The following SEL1L2 variants were observed in gnomAD, a reference collection of about 807,000 sequenced individuals.
SEL1L2 encodes protein sel-1 homolog 2.
Under a neutral mutation model 98.8 loss-of-function variants are expected in SEL1L2, and 89 were observed. The ratio of observed to expected loss-of-function variants is 0.90; its 90% CI spans 0.76 to 1.07. The LOEUF (loss-of-function observed/expected upper bound fraction) is 1.07, where lower values mean the gene tolerates loss of function less well. Among genes scored for constraint, SEL1L2 ranks in the 50% least tolerant of loss-of-function variants. The probability of loss-of-function intolerance (pLI) is 0.00; values close to 1 mark genes in which losing one functional copy is unlikely to be tolerated. For synonymous variants in SEL1L2, 262 were observed against 278.5 expected (o/e 0.94, Z 0.59); for missense variants, 788 against 812.0 (o/e 0.97, Z 0.36).
chr20:13,976,644 A>T (rs2051553318), intron 1 of SEL1L2, among the ~76,000 whole-genome samples: 1 of 152,222 alleles, frequency 6.6e-6, no homozygotes, highest in Non-Finnish European at 1.5e-5. Flanking sequence ...TATAAAGTGG[A>T]TGTCTCAGCA....
chr20:13,915,261 G>T (rs1024870785), intron 4 of SEL1L2: 2 of 1,287,034 alleles, frequency 1.6e-6, no homozygotes, highest in Non-Finnish European at 2.0e-6. Flanking sequence ...AAAACACAGG[G>T]TGAGTACTCC....
intron 5 of SEL1L2, among the ~76,000 whole-genome samples, chr20:13,895,656 A>G (rs1409487936): frequency 1.3e-5 from 2 of 152,248 alleles, no homozygotes; most frequent in African/African-American, 4.8e-5. Context: ...CCCAATGGTA[A>G]AAAACTGAAT....
In SEL1L2 at chr20:13,885,411, T is replaced by TGATG. The variant is rs1421123569; in HGVS notation, c.901-12_901-9dup. 2 of 1,582,250 alleles carry TGATG rather than the reference T, an allele frequency of 1.3e-6. No individual in the cohort carries two copies. Among genetic ancestry groups the TGATG allele is most frequent in the Non-Finnish European group, 1.7e-6 (2 of 1,151,082 alleles). ...TAATTGTCCAAGAGAGACCTAGGAA[T>TGATG]GATGAGTTTGGAAATGATTTTAGCA... is the stretch of plus-strand genomic sequence containing the variant. On this transcript the variant is annotated splice_polypyrimidine_tract_variant and intron_variant, in intron 9 of 19. Transcript: ENST00000284951.
At chr20:13,931,997 C>A (rs139693756) in intron 2 of SEL1L2, among the ~76,000 whole-genome samples, 1 of 152,092 alleles carries the variant, frequency 6.6e-6, no homozygotes, top group African/African-American at 2.4e-5. Flanking sequence ...GTCATCTGAA[C>A]TACAGAGCCA....
At chr20:13,877,720 T>A in intron 10 of SEL1L2, 132 bp from the exon 11 acceptor site, 2 of 675,016 alleles carry the variant, frequency 3.0e-6, no homozygotes, top group East Asian at 5.5e-5. Flanking sequence ...AAAAAAAATC[T>A]GTGAAATGCC....
At chr20:13,936,565 G>A (rs1380655236) in intron 2 of SEL1L2, among the ~76,000 whole-genome samples, 2 of 152,156 alleles carry the variant, frequency 1.3e-5, no homozygotes, top group African/African-American at 4.8e-5. Flanking sequence ...ATTGGATTCA[G>A]TGCATAAAGA....
At chr20:13,923,986 A>T (rs1296887620) in intron 3 of SEL1L2, among the ~76,000 whole-genome samples, 1 of 152,104 alleles carries the variant, frequency 6.6e-6, no homozygotes, top group African/African-American at 2.4e-5. Context: ...ATATTTTGAG[A>T]TTATGTTGAT....
chr20:13,865,244 A>G lies in SEL1L2; in HGVS notation c.1571-3T>C, dbSNP rs777181823. On this transcript the variant is annotated splice_polypyrimidine_tract_variant and splice_region_variant and intron_variant, in intron 16 of 19. Transcript: ENST00000284951. ...TTTTTCAAGAATGTTAGCCTTTTCT[A>G]AAAAGAGGAGACATTCCATTAGGAA... 1.9e-6 allele frequency: 3 copies of G among 1,613,270 alleles called. No homozygotes were observed. The highest frequency in any genetic ancestry group is 2.2e-5 in the South Asian group (2 of 91,032).
intron 3 of SEL1L2, among the ~76,000 whole-genome samples, chr20:13,919,407 G>A (rs539914581): frequency 6.6e-6 from 1 of 152,298 alleles, no homozygotes; most frequent in South Asian, 2.1e-4. Flanking sequence ...GATGCTTTTG[G>A]TCTAGGGAAG....
intron 1 of SEL1L2, among the ~76,000 whole-genome samples, chr20:13,959,889 A>C (rs566821841): frequency 6.6e-6 from 1 of 152,362 alleles, no homozygotes; most frequent in Non-Finnish European, 1.5e-5. Context: ...CTAATGCATT[A>C]GTAGTTTAAA....
chr20:13,889,659 C>T (rs1028333242), intron 5 of SEL1L2, among the ~76,000 whole-genome samples: 8 of 151,918 alleles, frequency 5.3e-5, no homozygotes, highest in African/African-American at 9.7e-5. Flanking sequence ...GGCGTGGTAG[C>T]GGGGGCCTGT....
intron 14 of SEL1L2, among the ~76,000 whole-genome samples, chr20:13,868,281 T>C (rs769808205): frequency 4.6e-5 from 7 of 152,064 alleles, no homozygotes; most frequent in Non-Finnish European, 1.0e-4. Flanking sequence ...TGTCTATCTA[T>C]CACGGTTAAA....
At chr20:13,956,233 A>G in intron 1 of SEL1L2, 102 bp from the exon 2 acceptor site, 1 of 611,658 alleles carries the variant, frequency 1.6e-6, no homozygotes, top group South Asian at 2.1e-5. Context: ...AAACTTTTAG[A>G]ACTCTAAGAA....
intron 17 of SEL1L2, among the ~76,000 whole-genome samples, chr20:13,860,669 T>C (rs1159912471): frequency 1.3e-5 from 2 of 152,044 alleles, no homozygotes; most frequent in African/African-American, 2.4e-5. Context: ...CTCTTTTCTC[T>C]TCTCTCACCT....
At chr20:13,888,881 C>T (rs1179323888) in intron 5 of SEL1L2, among the ~76,000 whole-genome samples, 2 of 149,824 alleles carry the variant, frequency 1.3e-5, no homozygotes, top group East Asian at 2.0e-4. Context: ...CTCCTGACCT[C>T]GTGATCTACC....
chr20:13,972,390 T>C (rs992878332), intron 1 of SEL1L2, among the ~76,000 whole-genome samples: 1 of 152,210 alleles, frequency 6.6e-6, no homozygotes, highest in African/African-American at 2.4e-5. Flanking sequence ...CATCTGTTGC[T>C]ACTGTGAAAA....
intron 5 of SEL1L2, among the ~76,000 whole-genome samples, chr20:13,889,277 C>T (rs761609432): frequency 3.3e-5 from 5 of 152,028 alleles, no homozygotes; most frequent in Admixed American, 6.6e-5. Context: ...TGAGCCACCA[C>T]GCCTGGCCAT....
intron 1 of SEL1L2, among the ~76,000 whole-genome samples, chr20:13,986,319 T>G (rs1296584602): frequency 6.6e-6 from 1 of 152,232 alleles, no homozygotes. Flanking sequence ...ATTCCCAGTG[T>G]TGTACAGCCA....
In SEL1L2 at chr20:13,920,852, T is replaced by G. The variant is rs189884091; in HGVS notation, c.284-1729A>C. ...AAAAATTTAAAAACTAAAAAAATTC[T>G]TAACTGAAAAGCCTATTTAAAATTA... On this transcript the variant is annotated intron_variant, in intron 3 of 19. Coordinates refer to ENST00000284951, the MANE Select transcript of SEL1L2 (RefSeq NM_025229.2). Among the ~76,000 whole-genome samples, 332 of 152,278 alleles carry G rather than the reference T, an allele frequency of 2.2e-3. 2 individuals carry two copies. The highest frequency in any genetic ancestry group is 7.8e-3 in the African/African-American group (323 of 41,578).
Sources: gnomAD v4.1 joint callset for allele counts (sites outside exome capture counted in the v4.1 genomes callset) on GRCh38, gnomAD v4.1.1 for gene constraint, MANE v1.5 for transcripts, NCBI Gene and HGNC (gene_info 2026-07-23, HGNC 2026-07-21) for gene names.